The following ANKFN1 variants were observed in gnomAD, a reference collection of about 807,000 sequenced individuals.
ANKFN1 encodes the protein ankyrin repeat and fibronectin type-III domain-containing protein 1.
A neutral mutation model predicts 108.7 loss-of-function variants in ANKFN1; 74 were observed. The observed-to-expected ratio is 0.68, with a 90% CI of 0.56 to 0.83. The LOEUF is 0.83. ANKFN1 is among the 40% of genes least tolerant of loss of function. The pLI is 0.00. For missense variants in ANKFN1, 1,505 were observed against 1,382.3 expected (o/e 1.09, Z -1.41); for synonymous variants, 547 against 516.2 (o/e 1.06, Z -0.81).
At chr17:56,162,109 G>A (rs1395458043) in intron 1 of ANKFN1, among the ~76,000 whole-genome samples, 2 of 152,196 alleles carry the variant, frequency 1.3e-5, no homozygotes, top group Non-Finnish European at 2.9e-5. Context: ...AGGGCAGGGG[G>A]TCTTATTTAG....
Position 56,220,259 on chromosome 17 carries a change from A to C in ANKFN1, c.12+7580A>C, listed in dbSNP as rs141693842. ...ATAAATATTGAATTAATTAATGCAG[A>C]TAATAAAATGATAAAACAGTAGCCC... On this transcript the variant is annotated intron_variant, in intron 2 of 20. Transcript: ENST00000682825. Among the ~76,000 whole-genome samples, 198 of 152,374 alleles carry C rather than the reference A, an allele frequency of 1.3e-3. 1 individual carries two copies. The highest frequency in any genetic ancestry group is 4.7e-3 in the African/African-American group (194 of 41,592).
intron 4 of ANKFN1, among the ~76,000 whole-genome samples, chr17:56,332,668 T>A (rs2045696747): frequency 6.6e-6 from 1 of 152,138 alleles, no homozygotes. Context: ...CTTTATGAAA[T>A]TGTCTTTATC....
chr17:56,313,347 T>C (rs1478172955), intron 3 of ANKFN1, among the ~76,000 whole-genome samples: 20 of 152,134 alleles, frequency 1.3e-4, no homozygotes, highest in Admixed American at 1.3e-3. Flanking sequence ...GGACCTCATA[T>C]GAAGCTGTGC....
At chr17:56,090,178 A>G (rs1905385977) in intron 4 of ANKFN1, among the ~76,000 whole-genome samples, 1 of 151,234 alleles carries the variant, frequency 6.6e-6, no homozygotes, top group South Asian at 2.1e-4. Flanking sequence ...AGAGCATGTC[A>G]CGGAGTGAAA....
At chr17:56,146,944 T>C (rs1473836529) in intron 4 of ANKFN1, among the ~76,000 whole-genome samples, 1 of 152,178 alleles carries the variant, frequency 6.6e-6, no homozygotes, top group Non-Finnish European at 1.5e-5. Context: ...CTTTTATGTC[T>C]GCTTCCTCTT....
At chr17:56,413,509 A>G (rs2048155810) in intron 8 of ANKFN1, among the ~76,000 whole-genome samples, 1 of 152,174 alleles carries the variant, frequency 6.6e-6, no homozygotes, top group Non-Finnish European at 1.5e-5. Flanking sequence ...GCCAGTTTTC[A>G]AGGGGAATGC....
chr17:56,273,403 C>T (rs916215606), intron 3 of ANKFN1, among the ~76,000 whole-genome samples: 1 of 152,060 alleles, frequency 6.6e-6, no homozygotes, highest in Admixed American at 6.6e-5. Context: ...TGTGCTGACA[C>T]ACAAATCTTT....
At chr17:56,197,819 T>C (rs1344987595) in intron 1 of ANKFN1, among the ~76,000 whole-genome samples, 1 of 152,196 alleles carries the variant, frequency 6.6e-6, no homozygotes, top group African/African-American at 2.4e-5. Context: ...CAGGGACCAG[T>C]TTCGTGGAAG....
intron 4 of ANKFN1, among the ~76,000 whole-genome samples, chr17:56,333,525 C>G (rs938268436): frequency 2.6e-5 from 4 of 152,054 alleles, no homozygotes; most frequent in African/African-American, 9.7e-5. Flanking sequence ...TGAACCCTGC[C>G]TAGTCGTGAT....
rs1207299084 is a variant in ANKFN1, at chr17:56,457,247, T to A, written c.1308-10T>A. The A allele has an allele frequency of 1.1e-5, 17 of 1,548,190 alleles. No homozygotes were observed. Among genetic ancestry groups the A allele is most frequent in the Non-Finnish European group, 1.5e-5 (17 of 1,151,410 alleles). Reference sequence around the variant, plus strand: ...GAGGACAATGCTTTTATTTTCCTTTTTCTTTTTAGGGGACTCTACATAGCC... The same window carrying A: ...GAGGACAATGCTTTTATTTTCCTTTATCTTTTTAGGGGACTCTACATAGCC... On this transcript the variant is annotated splice_polypyrimidine_tract_variant and intron_variant, in intron 12 of 20. Coordinates refer to ENST00000682825, the MANE Select transcript of ANKFN1 (RefSeq NM_001370326.1).
intron 3 of ANKFN1, among the ~76,000 whole-genome samples, chr17:56,270,939 T>A (rs1212880939): frequency 6.6e-6 from 1 of 152,140 alleles, no homozygotes; most frequent in Non-Finnish European, 1.5e-5. Flanking sequence ...TAATGTTTAA[T>A]TTTCTTCTTA....
At chr17:56,135,786 A>G (rs1346655368) in intron 4 of ANKFN1, among the ~76,000 whole-genome samples, 1 of 152,204 alleles carries the variant, frequency 6.6e-6, no homozygotes, top group African/African-American at 2.4e-5. Context: ...TTAAAAATGA[A>G]AGAAAAAGTT....
At chr17:56,272,583 G>A (rs1316342793) in intron 3 of ANKFN1, among the ~76,000 whole-genome samples, 2 of 152,046 alleles carry the variant, frequency 1.3e-5, no homozygotes, top group Non-Finnish European at 2.9e-5. Flanking sequence ...TCCATCCATG[G>A]ACAATTTGGT....
Position 56,193,580 on chromosome 17 carries a change from T to A in ANKFN1, c.-70-19018T>A, listed in dbSNP as rs773410810. On this transcript the variant is annotated intron_variant, in intron 1 of 20. Transcript: ENST00000682825. ...AGTGCATAATTTATTTGTAGCGTTT[T>A]AAAAAAAAAAAAAAGAATCTAGACA... Among the ~76,000 whole-genome samples the A allele has an allele frequency of 3.6e-3, 507 of 140,968 alleles. 2 individuals are homozygous for A. Among genetic ancestry groups the A allele is most frequent in the Middle Eastern group, 7.5e-3 (2 of 266 alleles). The allele number at this position is 140,968 out of a possible 152,430, so 92.5% of individuals were successfully genotyped here.
intron 4 of ANKFN1, among the ~76,000 whole-genome samples, chr17:56,143,126 G>T (rs1908029078): frequency 1.3e-5 from 2 of 152,184 alleles, no homozygotes; most frequent in Admixed American, 6.5e-5. Flanking sequence ...GTGGGGTTGG[G>T]GGGTAGTTTG....
intron 8 of ANKFN1, among the ~76,000 whole-genome samples, chr17:56,404,559 A>G (rs2047860899): frequency 6.6e-6 from 1 of 151,674 alleles, no homozygotes; most frequent in Admixed American, 6.6e-5. Context: ...TTTTCCCTTC[A>G]CTTCTTGTAC....
At chr17:56,385,359 T>C (rs978098473) in intron 8 of ANKFN1, among the ~76,000 whole-genome samples, 1 of 152,128 alleles carries the variant, frequency 6.6e-6, no homozygotes, top group African/African-American at 2.4e-5. Context: ...CCTAAAACCA[T>C]AAAAACCCTA....
chr17:56,159,033 C>CAAAAAAAAAAAAAAAAAAAAAAAAAA (rs57878541), intron 1 of ANKFN1, among the ~76,000 whole-genome samples: 1 of 71,010 alleles, frequency 1.4e-5, no homozygotes, highest in African/African-American at 5.4e-5. Context: ...TGGTCTAGGC[C>CAAAAAAAAAAAAAAAAAAAAAAAAAA]AAAAAAAAAA....
rs192065087 is a variant in ANKFN1 at position 56,513,117 on chromosome 17, T to A, written c.*1848T>A. Among the ~76,000 whole-genome samples the A allele has an allele frequency of 5.3e-5, 8 of 152,360 alleles. No individual in the cohort carries two copies. The East Asian group carries it at 9.7e-4, about 18-fold the overall frequency. On this transcript the variant is annotated 3_prime_UTR_variant, in exon 21 of 21. Coordinates refer to ENST00000682825, the MANE Select transcript of ANKFN1 (RefSeq NM_001370326.1). ...AGTAACATGCTCAAGGTCACGGAGC[T>A]GGTTTAGTCTCAGAGTTAGGGTCAG...
Sources: allele counts gnomAD v4.1 joint callset (sites outside exome capture counted in the v4.1 genomes callset), GRCh38; gene constraint gnomAD v4.1.1; transcripts MANE v1.5; gene names NCBI Gene and HGNC (gene_info 2026-07-23, HGNC 2026-07-21).